DAPK1: variants seen among roughly 807,000 people sequenced by gnomAD.
DAPK1 encodes death-associated protein kinase 1.
A neutral mutation model predicts 144.9 loss-of-function variants in DAPK1; 56 were observed. The ratio of observed to expected loss-of-function variants is 0.39; its 90% CI spans 0.31 to 0.48. The LOEUF (loss-of-function observed/expected upper bound fraction) is 0.48, where lower values mean the gene tolerates loss of function less well. Ranked by LOEUF, DAPK1 falls within the 20% of genes least tolerant of loss-of-function variation. The pLI is 0.95. For synonymous variants in DAPK1, 690 were observed against 749.0 expected, an observed-to-expected ratio of 0.92 and a Z score of 1.29; for missense variants, 1,454 against 1,875.4, an observed-to-expected ratio of 0.78 and a Z score of 4.15.
intron 2 of DAPK1, among the ~76,000 whole-genome samples, chr9:87,569,105 G>T (rs917482410): frequency 6.6e-6 from 1 of 152,280 alleles, no homozygotes; most frequent in Non-Finnish European, 1.5e-5. Context: ...AGCCTTGGCT[G>T]GTTGGGGAAT....
At chr9:87,651,139 A>T (rs1167667859) in intron 16 of DAPK1, among the ~76,000 whole-genome samples, 1 of 152,236 alleles carries the variant, frequency 6.6e-6, no homozygotes, top group Non-Finnish European at 1.5e-5. Context: ...GTGCAAGGTA[A>T]AATAATAGGC....
chr9:87,525,729 A>C (rs1398678169), intron 2 of DAPK1, among the ~76,000 whole-genome samples: 1 of 151,968 alleles, frequency 6.6e-6, no homozygotes, highest in Non-Finnish European at 1.5e-5. Flanking sequence ...CAGACCTGGC[A>C]CTGTGGCCGC....
chr9:87,573,635 G>A (rs908340457), intron 2 of DAPK1, among the ~76,000 whole-genome samples: 5 of 152,216 alleles, frequency 3.3e-5, no homozygotes, highest in Non-Finnish European at 7.3e-5. Context: ...GAAGAAGAAA[G>A]TGGCTTCAAC....
intron 3 of DAPK1, chr9:87,632,623 A>G (rs1322339887): frequency 2.0e-6 from 2 of 982,204 alleles, no homozygotes; most frequent in Non-Finnish European, 2.4e-6. Context: ...AAGGGTGATC[A>G]GTATATATGT....
At chr9:87,688,781 A>T (rs1824955926) in intron 21 of DAPK1, among the ~76,000 whole-genome samples, 1 of 151,408 alleles carries the variant, frequency 6.6e-6, no homozygotes, top group South Asian at 2.1e-4. Context: ...TAATGGGGTT[A>T]TTTGGTTTTT....
chr9:87,694,603 A>G (rs1217230380), intron 21 of DAPK1, among the ~76,000 whole-genome samples: 1 of 152,230 alleles, frequency 6.6e-6, no homozygotes, highest in Non-Finnish European at 1.5e-5. Flanking sequence ...CTCAGTGGAC[A>G]CAGCAGCAGT....
chr9:87,566,851 T>G (rs903269164), intron 2 of DAPK1, among the ~76,000 whole-genome samples: 3 of 152,208 alleles, frequency 2.0e-5, no homozygotes, highest in Non-Finnish European at 4.4e-5. Flanking sequence ...AGCACATCAT[T>G]GCACTGATGA....
chr9:87,640,568 G>A (rs1289671798), intron 8 of DAPK1, 118 bp downstream of exon 8: 10 of 1,232,024 alleles, frequency 8.1e-6, no homozygotes, highest in Non-Finnish European at 1.1e-5. Context: ...CTGCCAAAGG[G>A]CAGCATGCCA....
intron 18 of DAPK1, chr9:87,668,376 A>G (rs1831131347): frequency 7.2e-6 from 4 of 551,976 alleles, no homozygotes; most frequent in Non-Finnish European, 9.8e-6. Flanking sequence ...GAAGACACCA[A>G]CATGTGCTTT....
chr9:87,532,142 A>G (rs780469630), intron 2 of DAPK1, among the ~76,000 whole-genome samples: 3 of 152,214 alleles, frequency 2.0e-5, no homozygotes, highest in Non-Finnish European at 4.4e-5. Context: ...CCAAGGCCCT[A>G]TGGTTTACTT....
chr9:87,510,227 G>A (rs1024299347), intron 2 of DAPK1, among the ~76,000 whole-genome samples: 4 of 152,128 alleles, frequency 2.6e-5, no homozygotes, highest in African/African-American at 9.7e-5. Context: ...TGTCAGCCTC[G>A]TGGCCATGGA....
Position 87,639,397 on chromosome 9 carries a change from G to C in DAPK1, c.467G>C (p.Arg156Pro). 4.3e-6 allele frequency: 7 copies of C among 1,611,424 alleles called. No homozygotes were observed. Among genetic ancestry groups the C allele is most frequent in the Non-Finnish European group, 5.9e-6 (7 of 1,179,196 alleles). ...TTGGATAGAAATGTCCCCAAACCTC[G>C]GATCAAGATCATTGACTTTGGGTTG... ...MLLDRNVPKP[R>P]IKIIDFGLAH... is the part of the protein sequence containing the mutation. Residue 156 changes from arginine to proline, a missense_variant, in exon 5 of 26, where the codon CGG (arginine) becomes CCG (proline). Around this residue, in one of 2 missense-constraint regions of DAPK1, gnomAD observed 429 missense variants for 637.5 expected, o/e 0.67. Transcript: ENST00000408954.
intron 2 of DAPK1, among the ~76,000 whole-genome samples, chr9:87,581,733 C>T (rs1329073100): frequency 3.9e-5 from 6 of 152,178 alleles, no homozygotes; most frequent in Non-Finnish European, 8.8e-5. Flanking sequence ...TTAAAACTTC[C>T]AGGACTGGAC....
At chr9:87,513,355 G>A (rs994509396) in intron 2 of DAPK1, among the ~76,000 whole-genome samples, 1 of 152,234 alleles carries the variant, frequency 6.6e-6, no homozygotes. Context: ...ATGAAGCATG[G>A]AAAAATGTTT....
In DAPK1 at chr9:87,622,940, T is replaced by A. The variant is rs547512070; in HGVS notation, c.285-15003T>A. Reference sequence around the variant, plus strand: ...AAAAAAATAAATAATAAGGACTTTTTAAAAATTCCATGTCAAGCTGAGAAC... The same window carrying A: ...AAAAAAATAAATAATAAGGACTTTTAAAAAATTCCATGTCAAGCTGAGAAC... On this transcript the variant is annotated intron_variant, in intron 3 of 25. Coordinates refer to ENST00000408954, the MANE Select transcript of DAPK1 (RefSeq NM_004938.4). Among the ~76,000 whole-genome samples, 31 of 152,218 alleles carry A rather than the reference T, an allele frequency of 2.0e-4. No homozygotes were observed. In the South Asian group the frequency reaches 6.4e-3, roughly 32 times the overall value.
chr9:87,532,876 T>C (rs1255223411), intron 2 of DAPK1, among the ~76,000 whole-genome samples: 3 of 152,240 alleles, frequency 2.0e-5, no homozygotes, highest in Non-Finnish European at 4.4e-5. Context: ...CACATTTCCT[T>C]TATCGCCTCT....
intron 18 of DAPK1, among the ~76,000 whole-genome samples, chr9:87,666,459 A>G (rs1587827172): frequency 6.7e-6 from 1 of 150,034 alleles, no homozygotes; most frequent in East Asian, 2.0e-4. Flanking sequence ...TTTTATATAT[A>G]TATATGTTTT....
chr9:87,584,837 TG>T (rs1564008065), intron 2 of DAPK1, among the ~76,000 whole-genome samples: 1 of 152,114 alleles, frequency 6.6e-6, no homozygotes, highest in Non-Finnish European at 1.5e-5. Context: ...CCACCACGCC[TG>T]GCTAATTTTT....
chr9:87,666,421 G>A (rs1831054153), intron 18 of DAPK1, among the ~76,000 whole-genome samples: 1 of 152,020 alleles, frequency 6.6e-6, no homozygotes. Flanking sequence ...GCTGTAAAGT[G>A]CAGTGCAAAT....
Sources: allele counts gnomAD v4.1 joint callset (sites outside exome capture counted in the v4.1 genomes callset), GRCh38; gene constraint gnomAD v4.1.1; regional missense constraint gnomAD v4.1.1; transcripts MANE v1.5; gene names NCBI Gene and HGNC (gene_info 2026-07-23, HGNC 2026-07-21).